The following LGSN variants were observed in gnomAD, a reference collection of about 807,000 sequenced individuals.
LGSN encodes the protein lengsin, lens protein with glutamine synthetase domain, also known as lengsin.
In LGSN, 21 loss-of-function variants were observed where a neutral mutation model predicts 19.5. That is an observed-to-expected ratio of 1.07 (90% CI 0.76 to 1.55). LGSN has a LOEUF of 1.55. Ranked by LOEUF, LGSN falls within the 40% of genes most tolerant of loss-of-function variation. LGSN has a pLI of 0.00. For missense variants in LGSN, 673 were observed against 608.5 expected (o/e 1.11, Z -1.12); for synonymous variants, 257 against 215.6 (o/e 1.19, Z -1.68).
At chr6:63,363,471 C>T in the LGSN span, among the ~76,000 whole-genome samples, 3 of 152,116 alleles carry the variant, frequency 2.0e-5, no homozygotes, top group Non-Finnish European at 4.4e-5. Context: ...AGATGAATGG[C>T]CAACTAGAAT....
the LGSN span, among the ~76,000 whole-genome samples, chr6:63,520,408 C>G: frequency 6.6e-6 from 1 of 152,134 alleles, no homozygotes; most frequent in South Asian, 2.1e-4. Flanking sequence ...GGGCGGATCA[C>G]TTGAGGCCAG....
the LGSN span, among the ~76,000 whole-genome samples, chr6:63,379,804 G>A: frequency 6.6e-6 from 1 of 152,002 alleles, no homozygotes; most frequent in African/African-American, 2.4e-5. Flanking sequence ...GTAAAATGTT[G>A]CTGTAGTTAA....
At chr6:63,325,967 C>T in the LGSN span, among the ~76,000 whole-genome samples, 479 of 152,244 alleles carry the variant, frequency 3.1e-3, 3 homozygotes, top group African/African-American at 0.01. Context: ...ACCCACATCC[C>T]GCTGATTGGT....
the LGSN span, among the ~76,000 whole-genome samples, chr6:63,469,148 G>T: frequency 6.6e-6 from 1 of 152,196 alleles, no homozygotes; most frequent in African/African-American, 2.4e-5. Flanking sequence ...TGTTTGCTTT[G>T]CCCCAATAGT....
chr6:63,507,904 C>T, the LGSN span, among the ~76,000 whole-genome samples: 1 of 151,872 alleles, frequency 6.6e-6, no homozygotes, highest in East Asian at 1.9e-4. Flanking sequence ...AGAGCAAAAA[C>T]ATAAGAAACT....
At chr6:63,483,132 G>A in the LGSN span, among the ~76,000 whole-genome samples, 4 of 152,174 alleles carry the variant, frequency 2.6e-5, no homozygotes, top group Admixed American at 1.3e-4. Context: ...TAACAGAATA[G>A]GCAATTAAAA....
the LGSN span, among the ~76,000 whole-genome samples, chr6:63,538,197 T>C: frequency 6.6e-6 from 1 of 152,144 alleles, no homozygotes; most frequent in Non-Finnish European, 1.5e-5. Context: ...AGTAGGGAAA[T>C]GACAGGTTGT....
chr6:63,302,485 AT>A (rs1238680948), intron 1 of LGSN, among the ~76,000 whole-genome samples: 1 of 152,240 alleles, frequency 6.6e-6, no homozygotes, highest in Non-Finnish European at 1.5e-5. Context: ...AATGATATAC[AT>A]TTGGACGGGA....
chr6:63,488,894 C>A, the LGSN span, among the ~76,000 whole-genome samples: 1 of 151,002 alleles, frequency 6.6e-6, no homozygotes, highest in Non-Finnish European at 1.5e-5. Context: ...AGTATTAAAT[C>A]TTAACAAAAT....
chr6:63,323,770 A>ACTC (rs1327654464), upstream of LGSN, among the ~76,000 whole-genome samples: 277 of 144,232 alleles, frequency 1.9e-3, 2 homozygotes, highest in African/African-American at 6.8e-3. Flanking sequence ...ATGTTTTTGC[A>ACTC]TTCTTTTTTT....
At chr6:63,520,255 T>G in the LGSN span, among the ~76,000 whole-genome samples, 1 of 152,228 alleles carries the variant, frequency 6.6e-6, no homozygotes, top group South Asian at 2.1e-4. Flanking sequence ...TCTTTAAATG[T>G]TGTGATATAT....
rs1767103245 is a variant in LGSN, at chr6:63,276,213, CTG to C, written c.*3806_*3807del. The stretch of plus-strand genomic sequence containing the variant: ...AGGTGACTGGAGATATGTCAATAGA[CTG>C]TTCTGTTTTACTGATAAGCTCAGAC... On this transcript the variant is annotated 3_prime_UTR_variant, in exon 4 of 4. Coordinates refer to ENST00000370657, the MANE Select transcript of LGSN (RefSeq NM_016571.3). 6.6e-6 allele frequency: 1 copy of C among 152,136 alleles called. No individual in the cohort carries two copies. The highest frequency in any genetic ancestry group is 2.1e-4 in the South Asian group (1 of 4,834). 9.4% of individuals were successfully genotyped at this position (152,136 alleles called of 1,614,324 possible).
At chr6:63,439,727 T>C in the LGSN span, among the ~76,000 whole-genome samples, 300 of 152,302 alleles carry the variant, frequency 2.0e-3, 1 homozygote, top group African/African-American at 5.7e-3. Flanking sequence ...TTCACTTCTC[T>C]AGTTCTTTGG....
the LGSN span, among the ~76,000 whole-genome samples, chr6:63,522,995 G>C: frequency 6.6e-5 from 10 of 151,578 alleles, no homozygotes; most frequent in African/African-American, 2.2e-4. Flanking sequence ...CTCCGGAGTA[G>C]CTGGGACTAC....
intron 2 of LGSN, among the ~76,000 whole-genome samples, chr6:63,294,541 T>C (rs1430109495): frequency 6.6e-6 from 1 of 152,082 alleles, no homozygotes; most frequent in Non-Finnish European, 1.5e-5. Context: ...AGTTCCAAAA[T>C]GTGTTATGAA....
chr6:63,512,830 A>G, the LGSN span, among the ~76,000 whole-genome samples: 1 of 152,236 alleles, frequency 6.6e-6, no homozygotes, highest in Admixed American at 6.5e-5. Context: ...AAGTTTTGGT[A>G]TGATGCTTAG....
At chr6:63,483,914 G>A in the LGSN span, among the ~76,000 whole-genome samples, 5 of 151,652 alleles carry the variant, frequency 3.3e-5, no homozygotes, top group Admixed American at 6.6e-5. Context: ...TGAGGTACTA[G>A]GGGTTAGCAC....
chr6:63,301,194 G>A (rs1053705063), intron 1 of LGSN, among the ~76,000 whole-genome samples: 2 of 152,090 alleles, frequency 1.3e-5, no homozygotes, highest in African/African-American at 4.8e-5. Flanking sequence ...GGGAGACTGA[G>A]GCAGGAGAAT....
At chr6:63,321,742 G>A (rs1769089327), upstream of LGSN, among the ~76,000 whole-genome samples, 1 of 151,990 alleles carries the variant, frequency 6.6e-6, no homozygotes, top group South Asian at 2.1e-4. Context: ...GTCAGTAAAG[G>A]GCTTAACAAA....
Sources: gnomAD v4.1 joint callset for allele counts (sites outside exome capture counted in the v4.1 genomes callset) on GRCh38, gnomAD v4.1.1 for gene constraint, MANE v1.5 for transcripts, NCBI Gene and HGNC (gene_info 2026-07-23, HGNC 2026-07-21) for gene names.